STAP2: variants seen among roughly 807,000 people sequenced by gnomAD.
STAP2 encodes signal-transducing adaptor protein 2.
Under a neutral mutation model 52.7 loss-of-function variants are expected in STAP2, and 58 were observed. The observed-to-expected ratio is 1.10, with a 90% confidence interval of 0.89 to 1.37. The LOEUF (loss-of-function observed/expected upper bound fraction) is 1.37, where lower values mean the gene tolerates loss of function less well. STAP2 is among the 40% of genes most tolerant of loss of function. The pLI is 0.00. For missense variants in STAP2, 522 were observed against 519.4 expected (o/e 1.00, Z -0.05); for synonymous variants, 231 against 210.5 (o/e 1.10, Z -0.84).
chr19:4,333,697 G>A lies in STAP2; in HGVS notation c.294C>T (p.Phe98=), dbSNP rs1229312255. 1 of 1,611,764 alleles carries A rather than the reference G, an allele frequency of 6.2e-7. No homozygotes were observed. Among genetic ancestry groups the A allele is most frequent in the East Asian group, 2.2e-5 (1 of 44,856 alleles). ...ACCCCTCCAGCAAGGGACCTACCTT[G>A]AACTTGATCTCCTGATCCCGGAGAA... ...SLILRDQEIK[F]KVETLECREM... is the part of the protein sequence containing the mutation. The change falls in exon 3 of 13, where the codon TTC becomes TTT. Residue 98 remains phenylalanine, a synonymous_variant. Transcript: ENST00000594605.
Position 4,327,375 on chromosome 19 carries a change from C to T in STAP2, c.601G>A (p.Val201Ile). ...TCCCGCTTCACCTTGTAATGCCGGA[C>T]CACGTGCGTCCTGCACCAGGAGAAA... ...TRQMHNGTHVVRHYKVKREGP... is the reference protein window; with the variant it reads ...TRQMHNGTHVIRHYKVKREGP... The change falls in exon 7 of 13, where the codon GTC becomes ATC. Residue 201 changes from valine to isoleucine, a missense_variant. By Grantham distance (29) the Val-to-Ile change is conservative. Transcript: ENST00000594605. The T allele has an allele frequency of 6.2e-7, 1 of 1,614,132 alleles. No individual in the cohort carries two copies. The highest frequency in any genetic ancestry group is 1.1e-5 in the South Asian group (1 of 91,084).
chr19:4,324,251 C>T, intron 12 of STAP2, 54 bp from the exon 13 acceptor site: 1 of 1,530,270 alleles, frequency 6.5e-7, no homozygotes, highest in Non-Finnish European at 8.8e-7. Context: ...CAGTCCATGC[C>T]CACCGCCCTG....
Position 4,334,137 on chromosome 19 carries a change from G to A in STAP2, c.103-93C>T, listed in dbSNP as rs1292280001. ...CTGTCTCGGGGCCTTTGCACTGGTTGTGCTCTCTGCCCCACGCTGCCCCCA... is the reference window on the plus strand; with the variant it reads ...CTGTCTCGGGGCCTTTGCACTGGTTATGCTCTCTGCCCCACGCTGCCCCCA... On this transcript the variant is annotated intron_variant, in intron 1 of 12. Coordinates refer to ENST00000594605, the MANE Select transcript of STAP2 (RefSeq NM_001013841.2). The A allele has an allele frequency of 3.8e-6, 4 of 1,066,030 alleles. No individual in the cohort carries two copies. In the African/African-American group the frequency reaches 4.8e-5, roughly 13 times the overall value. The allele number at this position is 1,066,030 out of a possible 1,614,324, so 66.0% of individuals were successfully genotyped here.
In STAP2 at chr19:4,338,654, G is replaced by A. The variant is rs766180711; in HGVS notation, c.100C>T (p.Arg34Trp). Residue 34 changes from arginine (R) to tryptophan (W), a missense_variant and splice_region_variant, in exon 1 of 13, where the codon CGG becomes TGG. Arg to Trp is a moderately radical substitution (Grantham distance 101). Coordinates refer to ENST00000594605, the MANE Select transcript of STAP2 (RefSeq NM_001013841.2). ...SFLEKKGPCD[R>W]DYKKFWAGLQ... ...CAGCCCCCGCCTCCCCACCTTACCC[G>A]GTCACAGGGCCCCTTCTTCTCTAGA... 14 of 1,486,992 alleles carry A rather than the reference G, an allele frequency of 9.4e-6. No individual in the cohort carries two copies. The highest frequency in any genetic ancestry group is 5.7e-5 in the African/African-American group (4 of 69,732). 92.1% of individuals were successfully genotyped at this position (1,486,992 alleles called of 1,614,324 possible). A position where few individuals can be genotyped will look rare whatever the true frequency, so the allele number is the denominator to read the frequency against.
intron 4 of STAP2, among the ~76,000 whole-genome samples, chr19:4,331,239 G>A (rs952312591): frequency 1.3e-5 from 2 of 152,158 alleles, no homozygotes; most frequent in African/African-American, 4.8e-5. Flanking sequence ...TGAGGCAGGA[G>A]GACTGCTTGA....
rs759212667 is a variant in STAP2 at position 4,324,460 on chromosome 19, G to A, written c.1142C>T (p.Thr381Ile). ...PVSSAQPLFP[T>I]AGLADMTAEL... ...TGACCCCGCAGACCCCTTACCGGCT[G>A]TGGGGAAGAGAGGCTGGGCTGAACT... Residue 381 changes from threonine to isoleucine, a missense_variant, in exon 12 of 13, where the codon ACA (threonine) becomes ATA (isoleucine). By Grantham distance (89) the Thr-to-Ile change is moderately conservative. Transcript: ENST00000594605. The A allele has an allele frequency of 1.3e-6, 2 of 1,569,722 alleles. No individual in the cohort carries two copies. Among genetic ancestry groups the A allele is most frequent in the Non-Finnish European group, 1.7e-6 (2 of 1,155,122 alleles).
rs1286776287 is a variant in STAP2 at position 4,324,198 on chromosome 19, C to T, written c.1148-1G>A. The T allele has an allele frequency of 6.4e-7, 1 of 1,551,136 alleles. No homozygotes were observed. The highest frequency in any genetic ancestry group is 2.4e-5 in the East Asian group (1 of 40,926). Reference sequence around the variant, plus strand: ...AGCTCTGCCGTCATGTCTGCCAGCCCTGGGGGTTCAGGACCAGGAGCTGCA... The same window carrying T: ...AGCTCTGCCGTCATGTCTGCCAGCCTTGGGGGTTCAGGACCAGGAGCTGCA... On this transcript the variant is annotated splice_acceptor_variant, in intron 12 of 12. Transcript: ENST00000594605. LOFTEE classifies it high-confidence loss of function.
chr19:4,326,683 C>T (rs145403592), intron 9 of STAP2, among the ~76,000 whole-genome samples: 1 of 152,244 alleles, frequency 6.6e-6, no homozygotes, highest in East Asian at 1.9e-4. Flanking sequence ...CTAGGCGCCT[C>T]CCCCGAGCCC....
chr19:4,337,476 C>G (rs1971998118), intron 1 of STAP2, among the ~76,000 whole-genome samples: 1 of 150,060 alleles, frequency 6.7e-6, no homozygotes, highest in African/African-American at 2.4e-5. Context: ...AGGTGATCCA[C>G]CTGCCTCAGC....
rs780934414 is a variant in STAP2 at position 4,325,475 on chromosome 19, C to T, written c.900G>A (p.Leu300=). 1.9e-6 allele frequency: 3 copies of T among 1,613,496 alleles called. No homozygotes were observed. Among genetic ancestry groups the T allele is most frequent in the Non-Finnish European group, 2.5e-6 (3 of 1,179,698 alleles). Residue 300 remains leucine, a synonymous_variant, in exon 10 of 13, where the codon CTG becomes CTA. Coordinates refer to ENST00000594605, the MANE Select transcript of STAP2 (RefSeq NM_001013841.2). ...TCTCTTCCTGGTTCGGTAGTGGGGG[C>T]AGTGGGGGCAGCTTGTCCTGGCTAG... ...PASSQDKLPP[L]PPLPNQEENY...
At chr19:4,337,053 CA>C (rs1599556945) in intron 1 of STAP2, among the ~76,000 whole-genome samples, 1 of 152,016 alleles carries the variant, frequency 6.6e-6, no homozygotes, top group East Asian at 1.9e-4. Flanking sequence ...AAGGGAACCT[CA>C]GGGGCAGAGG....
At chr19:4,324,255 C>A in intron 12 of STAP2, 58 bp from the exon 13 acceptor site, 1 of 1,516,774 alleles carries the variant, frequency 6.6e-7, no homozygotes, top group South Asian at 1.2e-5. Context: ...CCATGCCCAC[C>A]GCCCTGACAG....
At chr19:4,330,415 G>A (rs1339905081) in intron 4 of STAP2, among the ~76,000 whole-genome samples, 3 of 151,726 alleles carry the variant, frequency 2.0e-5, no homozygotes, top group African/African-American at 7.3e-5. Flanking sequence ...CCAGCTACTC[G>A]GGAGGCTGGG....
At chr19:4,327,285 T>G in intron 7 of STAP2, 31 bp downstream of exon 7, 1 of 1,613,700 alleles carries the variant, frequency 6.2e-7, no homozygotes, top group Non-Finnish European at 8.5e-7. Flanking sequence ...CCCCACAAAG[T>G]CACTTCTAGG....
At chr19:4,334,163 G>A in intron 1 of STAP2, 119 bp from the exon 2 acceptor site, 1 of 733,738 alleles carries the variant, frequency 1.4e-6, no homozygotes, top group Non-Finnish European at 2.2e-6. Context: ...GCTGCCCCCA[G>A]ATCTTTATTA....
At chr19:4,335,759 T>C (rs1971971743) in intron 1 of STAP2, among the ~76,000 whole-genome samples, 1 of 152,098 alleles carries the variant, frequency 6.6e-6, no homozygotes. Context: ...TGTAAAATGG[T>C]GATAATAATG....
At chr19:4,334,923 A>G (rs1278218072) in intron 1 of STAP2, among the ~76,000 whole-genome samples, 3 of 55,816 alleles carry the variant, frequency 5.4e-5, no homozygotes, top group Non-Finnish European at 1.1e-4. Flanking sequence ...CCATCCCTCC[A>G]TAATCCATCC....
At chr19:4,336,249 A>C (rs1971978239) in intron 1 of STAP2, among the ~76,000 whole-genome samples, 1 of 151,046 alleles carries the variant, frequency 6.6e-6, no homozygotes, top group South Asian at 2.1e-4. Flanking sequence ...TCCTGACCTC[A>C]AGTGATCCGC....
At chr19:4,338,084 C>G (rs908696074) in intron 1 of STAP2, 1 of 152,114 alleles carries the variant, frequency 6.6e-6, no homozygotes, top group Non-Finnish European at 1.5e-5. Flanking sequence ...TCACGGGGAA[C>G]GGAGGGGCTG....
Sources: gnomAD v4.1 joint callset for allele counts (sites outside exome capture counted in the v4.1 genomes callset) on GRCh38, gnomAD v4.1.1 for gene constraint, MANE v1.5 for transcripts, NCBI Gene and HGNC (gene_info 2026-07-23, HGNC 2026-07-21) for gene names.